The following STON1 variants were observed in gnomAD, a reference collection of about 807,000 sequenced individuals.
STON1 encodes stonin 1, also known as stonin-1.
Under a neutral mutation model 60.9 loss-of-function variants are expected in STON1, and 79 were observed. The ratio of observed to expected loss-of-function variants is 1.30; its 90% CI spans 1.08 to 1.56. The LOEUF is 1.56. Ranked by LOEUF, STON1 falls within the 40% of genes most tolerant of loss-of-function variation. The pLI is 0.00. For missense variants in STON1, 1,166 were observed against 858.9 expected (o/e 1.36, Z -4.47); for synonymous variants, 363 against 306.9 (o/e 1.18, Z -1.91).
chr2:48,560,034 T>G (rs962615086), intron 1 of STON1, among the ~76,000 whole-genome samples: 10 of 152,200 alleles, frequency 6.6e-5, no homozygotes, highest in African/African-American at 2.4e-4. Flanking sequence ...GCCATTTAGT[T>G]ACTTGTCTCC....
At chr2:48,578,168 G>A (rs1202513165) in intron 1 of STON1, among the ~76,000 whole-genome samples, 1 of 151,862 alleles carries the variant, frequency 6.6e-6, no homozygotes, top group Admixed American at 6.6e-5. Context: ...GTAGAGATGG[G>A]GTTTCACCAT....
At chr2:48,561,511 C>T (rs1013956669) in intron 1 of STON1, among the ~76,000 whole-genome samples, 13 of 152,176 alleles carry the variant, frequency 8.5e-5, no homozygotes, top group Admixed American at 4.6e-4. Flanking sequence ...TCATTATCTA[C>T]GAAGCAGACA....
chr2:48,558,345 C>G (rs1053028237), intron 1 of STON1, among the ~76,000 whole-genome samples: 9 of 152,182 alleles, frequency 5.9e-5, no homozygotes, highest in African/African-American at 1.9e-4. Context: ...AGCAAACATG[C>G]TGTTGTTATG....
At position 48,595,947 on chromosome 2, in the gene STON1, G is replaced by C. The variant is rs1674767372; in HGVS notation, c.*645G>C. On this transcript the variant is annotated 3_prime_UTR_variant, in exon 4 of 4. Transcript: ENST00000404752. Reference sequence around the variant, plus strand: ...AAAATGTGTTTGTTTTCTGGCGCGTGCTGCAAAGAAGCTATTTCTGTTGTC... The same window carrying C: ...AAAATGTGTTTGTTTTCTGGCGCGTCCTGCAAAGAAGCTATTTCTGTTGTC... 1 of 152,112 alleles carries C rather than the reference G, an allele frequency of 6.6e-6. No homozygotes were observed. The highest frequency in any genetic ancestry group is 1.5e-5 in the Non-Finnish European group (1 of 68,026). The allele number at this position is 152,112 out of a possible 1,614,324, so 9.4% of individuals were successfully genotyped here.
intron 2 of STON1, among the ~76,000 whole-genome samples, chr2:48,586,035 G>A (rs1347852505): frequency 6.6e-6 from 1 of 152,260 alleles, no homozygotes; most frequent in African/African-American, 2.4e-5. Context: ...TCTACTTAGA[G>A]CAGGTGCTCC....
chr2:48,580,214 A>C (rs1267320706), intron 1 of STON1, among the ~76,000 whole-genome samples: 1 of 152,034 alleles, frequency 6.6e-6, no homozygotes, highest in Non-Finnish European at 1.5e-5. Context: ...AGCTGGGTTA[A>C]TATATATTTA....
At chr2:48,590,709 T>TA in intron 2 of STON1, among the ~76,000 whole-genome samples, 1 of 149,958 alleles carries the variant, frequency 6.7e-6, no homozygotes, top group Non-Finnish European at 1.5e-5. Flanking sequence ...TATCTCTGGG[T>TA]CTGGCACTGA....
At chr2:48,572,131 C>T (rs1450723751) in intron 1 of STON1, among the ~76,000 whole-genome samples, 1 of 152,112 alleles carries the variant, frequency 6.6e-6, no homozygotes, top group Non-Finnish European at 1.5e-5. Flanking sequence ...CCACTACACT[C>T]CAGCCTGGGT....
intron 1 of STON1, among the ~76,000 whole-genome samples, chr2:48,545,560 C>T (rs942581190): frequency 4.6e-5 from 7 of 152,178 alleles, no homozygotes; most frequent in Non-Finnish European, 2.9e-5. Flanking sequence ...CCTTTGGAGA[C>T]GGAGACACAG....
intron 1 of STON1, among the ~76,000 whole-genome samples, chr2:48,532,649 T>C (rs1671259752): frequency 6.6e-6 from 1 of 151,812 alleles, no homozygotes; most frequent in African/African-American, 2.4e-5. Flanking sequence ...TTGCACTATC[T>C]CATGAAATAT....
Position 48,581,280 on chromosome 2 carries a change from T to C in STON1, c.647T>C (p.Ile216Thr), listed in dbSNP as rs752216748. The C allele has an allele frequency of 6.6e-7, 1 of 1,519,946 alleles. No individual in the cohort carries two copies. The highest frequency in any genetic ancestry group is 1.4e-5 in the African/African-American group (1 of 71,736). The allele number at this position is 1,519,946 out of a possible 1,614,324, so 94.2% of individuals were successfully genotyped here. Residue 216 changes from isoleucine (I) to threonine (T), a missense_variant, in exon 2 of 4, where the codon ATT becomes ACT. Ile to Thr is a moderately conservative substitution (Grantham distance 89, BLOSUM62 -1). Coordinates refer to ENST00000404752, the MANE Select transcript of STON1 (RefSeq NM_006873.4). ...TCATCAAGAAACAAGGAGATGCCTA[T>C]TGACCAAAAAAGCCTAAATAAGTGT... is the stretch of plus-strand genomic sequence containing the variant. ...MFSSRNKEMP[I>T]DQKSLNKCSL...
intron 1 of STON1, among the ~76,000 whole-genome samples, chr2:48,578,508 C>G (rs557809171): frequency 5.3e-4 from 79 of 149,798 alleles, no homozygotes; most frequent in African/African-American, 1.7e-3. Flanking sequence ...CCTTTTTCTC[C>G]TCCTCCTTCT....
At chr2:48,572,836 C>T (rs13027618) in intron 1 of STON1, among the ~76,000 whole-genome samples, 4 of 152,114 alleles carry the variant, frequency 2.6e-5, no homozygotes, top group East Asian at 3.9e-4. Flanking sequence ...TGAGCCTCCT[C>T]GTGGGTCCCA....
At chr2:48,579,497 A>G (rs750033920) in intron 1 of STON1, among the ~76,000 whole-genome samples, 1 of 152,144 alleles carries the variant, frequency 6.6e-6, no homozygotes, top group Non-Finnish European at 1.5e-5. Flanking sequence ...GTTCAAGAGT[A>G]TGTTAATTTT....
intron 1 of STON1, among the ~76,000 whole-genome samples, chr2:48,564,548 TCTTCTTCTTCTTCTTCTTCTC>T (rs1672823626): frequency 1.9e-5 from 1 of 53,274 alleles, no homozygotes; most frequent in East Asian, 4.0e-4. Context: ...TTCTTCTTCT[TCTTCTTCTTCTTCTTCTTCTC>T]CTTCTCCTTC....
intron 1 of STON1, among the ~76,000 whole-genome samples, chr2:48,547,755 C>T (rs572279003): frequency 6.6e-5 from 10 of 152,182 alleles, no homozygotes; most frequent in African/African-American, 2.4e-4. Flanking sequence ...AGATAGAAGC[C>T]GGGAGGAGGT....
intron 2 of STON1, among the ~76,000 whole-genome samples, chr2:48,590,409 T>C (rs1674443091): frequency 6.6e-6 from 1 of 152,204 alleles, no homozygotes; most frequent in Non-Finnish European, 1.5e-5. Context: ...CTTTAAACTC[T>C]TGTTTTTGTG....
intron 2 of STON1, among the ~76,000 whole-genome samples, chr2:48,585,045 C>T (rs770628848): frequency 1.3e-4 from 20 of 152,112 alleles, no homozygotes; most frequent in Non-Finnish European, 2.2e-4. Context: ...CACCCCACAG[C>T]GTTCTCAAGA....
At position 48,597,994 on chromosome 2, in the gene STON1, G is replaced by C. The variant is rs1674856701; in HGVS notation, c.*2692G>C. On this transcript the variant is annotated 3_prime_UTR_variant, in exon 4 of 4. Coordinates refer to ENST00000404752, the MANE Select transcript of STON1 (RefSeq NM_006873.4). ...AATATTCCTTTCTAGCATTCATTTTGCTTAGATCACTCCATTGTGAGTTTG... is the reference window on the plus strand; with the variant it reads ...AATATTCCTTTCTAGCATTCATTTTCCTTAGATCACTCCATTGTGAGTTTG... 1 of 152,136 alleles carries C rather than the reference G, an allele frequency of 6.6e-6. No individual in the cohort carries two copies. The highest frequency in any genetic ancestry group is 1.5e-5 in the Non-Finnish European group (1 of 68,022). The allele number at this position is 152,136 out of a possible 1,614,324, so 9.4% of individuals were successfully genotyped here.
Sources: gnomAD v4.1 joint callset for allele counts (sites outside exome capture counted in the v4.1 genomes callset) on GRCh38, gnomAD v4.1.1 for gene constraint, MANE v1.5 for transcripts, NCBI Gene and HGNC (gene_info 2026-07-23, HGNC 2026-07-21) for gene names.